Variants in MRTFB observed in about 807,000 individuals in gnomAD.
MRTFB encodes myocardin related transcription factor B, also known as myocardin-related transcription factor B.
Under a neutral mutation model 104.2 loss-of-function variants are expected in MRTFB, and 29 were observed. The ratio of observed to expected loss-of-function variants is 0.28; its 90% CI spans 0.21 to 0.38. The LOEUF (loss-of-function observed/expected upper bound fraction) is 0.38. MRTFB is among the 10% of genes least tolerant of loss of function. The pLI is 1.00. For synonymous variants in MRTFB, 535 were observed against 519.5 expected (o/e 1.03, Z -0.41); for missense variants, 1,270 against 1,341.6 (o/e 0.95, Z 0.83).
chr16:14,160,965 T>G (rs1004490091), intron 3 of MRTFB, among the ~76,000 whole-genome samples: 10 of 152,138 alleles, frequency 6.6e-5, no homozygotes, highest in African/African-American at 2.4e-4. Context: ...CTGTAAGAAT[T>G]TCTGGTTCCT....
At chr16:14,079,670 A>C (rs1425896286) in intron 2 of MRTFB, among the ~76,000 whole-genome samples, 1 of 152,234 alleles carries the variant, frequency 6.6e-6, no homozygotes, top group Non-Finnish European at 1.5e-5. Context: ...TGCAACATTC[A>C]GTGAATACTT....
chr16:14,205,887 G>T (rs2040919327), intron 3 of MRTFB, among the ~76,000 whole-genome samples: 1 of 152,172 alleles, frequency 6.6e-6, no homozygotes, highest in Non-Finnish European at 1.5e-5. Flanking sequence ...AATGCTCTTG[G>T]TTTCAGTTTT....
At chr16:14,138,437 C>A (rs973532666) in intron 2 of MRTFB, among the ~76,000 whole-genome samples, 1 of 145,054 alleles carries the variant, frequency 6.9e-6, no homozygotes, top group Non-Finnish European at 1.5e-5. Flanking sequence ...ACAATTTTGC[C>A]TTCATTATTA....
At chr16:14,067,749 AC>A (rs2033538792), upstream of MRTFB, among the ~76,000 whole-genome samples, 1 of 152,198 alleles carries the variant, frequency 6.6e-6, no homozygotes, top group East Asian at 1.9e-4. Flanking sequence ...AGGGGGAAGT[AC>A]TGGAGTAATT....
At chr16:14,213,302 A>G (rs925610629) in intron 5 of MRTFB, among the ~76,000 whole-genome samples, 1 of 152,226 alleles carries the variant, frequency 6.6e-6, no homozygotes, top group Non-Finnish European at 1.5e-5. Flanking sequence ...CGATGTTCAT[A>G]AGTTTTAAAA....
the MRTFB span, among the ~76,000 whole-genome samples, chr16:14,014,038 A>G: frequency 6.6e-6 from 1 of 152,136 alleles, no homozygotes; most frequent in Admixed American, 6.5e-5. Context: ...GTCTGTCTCC[A>G]CCATGAAAAT....
chr16:14,157,460 T>C (rs2038868786), intron 3 of MRTFB, among the ~76,000 whole-genome samples: 1 of 152,204 alleles, frequency 6.6e-6, no homozygotes, highest in Non-Finnish European at 1.5e-5. Context: ...CTCCCTACTT[T>C]TTAGCCTTGG....
chr16:14,069,496 C>A (rs941558784), upstream of MRTFB, among the ~76,000 whole-genome samples: 1 of 152,052 alleles, frequency 6.6e-6, no homozygotes, highest in African/African-American at 2.4e-5. Flanking sequence ...ATAGTTTTTT[C>A]TTTTTTAGAG....
intron 2 of MRTFB, among the ~76,000 whole-genome samples, chr16:14,120,948 A>G (rs2036814488): frequency 6.6e-6 from 1 of 152,150 alleles, no homozygotes; most frequent in South Asian, 2.1e-4. Context: ...GGTTTTTTTC[A>G]AAGAAGATTA....
At chr16:14,065,346 A>G in the MRTFB span, among the ~76,000 whole-genome samples, 1 of 152,196 alleles carries the variant, frequency 6.6e-6, no homozygotes, top group Admixed American at 6.5e-5. Context: ...AATCAGATCT[A>G]GGAGATTTGG....
chr16:14,152,301 TAAA>T (rs1422427797), intron 3 of MRTFB: 1 of 151,960 alleles, frequency 6.6e-6, no homozygotes, highest in Non-Finnish European at 1.5e-5. Context: ...ACAAGTATGT[TAAA>T]AACATGTTTA....
At chr16:14,053,729 C>CA in the MRTFB span, among the ~76,000 whole-genome samples, 1,492 of 97,418 alleles carry the variant, frequency 0.015, 8 homozygotes, top group Non-Finnish European at 0.018. Context: ...GACTCCATCT[C>CA]AAAAAAAAAA....
At chr16:14,034,617 A>C in the MRTFB span, among the ~76,000 whole-genome samples, 2 of 112,746 alleles carry the variant, frequency 1.8e-5, no homozygotes, top group South Asian at 5.2e-4. Context: ...TCCATCTCAC[A>C]AAAAAAAAAA....
intron 2 of MRTFB, among the ~76,000 whole-genome samples, chr16:14,116,468 T>A (rs1161766989): frequency 6.6e-6 from 1 of 152,192 alleles, no homozygotes; most frequent in Non-Finnish European, 1.5e-5. Flanking sequence ...AACTTTTTTT[T>A]ATATGCTTAT....
At chr16:14,203,519 G>A (rs1015413931) in intron 3 of MRTFB, among the ~76,000 whole-genome samples, 5 of 152,052 alleles carry the variant, frequency 3.3e-5, no homozygotes, top group African/African-American at 7.3e-5. Flanking sequence ...GGGGGAAAAG[G>A]CACTTTAATT....
intron 10 of MRTFB, among the ~76,000 whole-genome samples, chr16:14,242,394 G>C (rs551845081): frequency 6.6e-6 from 1 of 152,174 alleles, no homozygotes; most frequent in Non-Finnish European, 1.5e-5. Context: ...ATTAGAAGGA[G>C]AAAGAACACT....
the MRTFB span, among the ~76,000 whole-genome samples, chr16:14,028,414 G>C: frequency 6.6e-6 from 1 of 152,132 alleles, no homozygotes; most frequent in South Asian, 2.1e-4. Flanking sequence ...AGGAAGATGA[G>C]TGACAGAGCT....
At chr16:14,066,080 G>C in the MRTFB span, among the ~76,000 whole-genome samples, 2 of 152,052 alleles carry the variant, frequency 1.3e-5, no homozygotes, top group Admixed American at 1.3e-4. Context: ...CTTGCTCATA[G>C]TTATTGACAT....
intron 2 of MRTFB, among the ~76,000 whole-genome samples, chr16:14,100,472 T>C (rs964823539): frequency 6.6e-6 from 1 of 152,208 alleles, no homozygotes; most frequent in Non-Finnish European, 1.5e-5. Flanking sequence ...CCTTTTCTTA[T>C]GTGTTGAATT....
Sources: allele counts gnomAD v4.1 joint callset (sites outside exome capture counted in the v4.1 genomes callset), GRCh38; gene constraint gnomAD v4.1.1; transcripts MANE v1.5; gene names NCBI Gene and HGNC (gene_info 2026-07-23, HGNC 2026-07-21).